The following ATM variants were observed in gnomAD, a reference collection of about 807,000 sequenced individuals.
ATM encodes the protein serine-protein kinase ATM.
In ATM, 308 loss-of-function variants were observed where a neutral mutation model predicts 387.0. The observed-to-expected ratio is 0.80, with a 90% CI of 0.73 to 0.87. The LOEUF is 0.87. ATM is among the 40% of genes least tolerant of loss of function. ATM has a pLI of 0.00. For synonymous variants in ATM, 1,156 were observed against 1,187.3 expected, an observed-to-expected ratio of 0.97 and a Z score of 0.54; for missense variants, 3,312 against 3,560.9, an observed-to-expected ratio of 0.93 and a Z score of 1.78.
At chr11:108,330,087 A>T in intron 49 of ATM, 127 bp from the exon 50 acceptor site, 1 of 930,974 alleles carries the variant, frequency 1.1e-6, no homozygotes, top group Non-Finnish European at 1.7e-6. Flanking sequence ...TATAATCCTT[A>T]GAAGTTTGCT....
Position 108,332,035 on chromosome 11 carries a change from G to A in ATM, c.7786G>A (p.Glu2596Lys), listed in dbSNP as rs1555124747. 1 of 1,613,596 alleles carries A rather than the reference G, an allele frequency of 6.2e-7. No individual in the cohort carries two copies. Among genetic ancestry groups the A allele is most frequent in the Non-Finnish European group, 8.5e-7 (1 of 1,179,706 alleles). The change falls in exon 52 of 63, where the codon GAG becomes AAG. Residue 2596 changes from glutamate to lysine, a missense_variant and splice_region_variant. Transcript: ENST00000675843. ...NVPKQSSQLD[E>K]DRTEAANRII... The stretch of plus-strand genomic sequence containing the variant: ...GCCTAAACAAAGCTCTCAGCTTGAT[G>A]AGGTATTTGGATTAAACATACGTAC...
intron 32 of ATM, 98 bp downstream of exon 32, chr11:108,295,157 T>C (rs905914112): frequency 6.8e-7 from 1 of 1,481,328 alleles, no homozygotes; most frequent in African/African-American, 1.4e-5. Flanking sequence ...CAGACTTAGT[T>C]CAGACTCTCA....
At chr11:108,305,364 C>T (rs1210815706) in intron 37 of ATM, among the ~76,000 whole-genome samples, 2 of 152,088 alleles carry the variant, frequency 1.3e-5, no homozygotes, top group African/African-American at 4.8e-5. Flanking sequence ...TGGATCACTT[C>T]AGGTCAGGAG....
chr11:108,260,030 C>CTTTT (rs754362678), intron 16 of ATM, among the ~76,000 whole-genome samples: 49 of 94,580 alleles, frequency 5.2e-4, no homozygotes, highest in African/African-American at 1.5e-3. Flanking sequence ...CTTATCTGCT[C>CTTTT]TTTTTTTTTT....
chr11:108,249,109 T>G lies in ATM; in HGVS notation c.1235+7T>G. ...ATTTTGATCTTGTGCCTTGGTAAAG[T>G]GTTACCATTTTCTCATTCAGTGTCA... On this transcript the variant is annotated splice_region_variant and intron_variant, in intron 9 of 62. Transcript: ENST00000675843. The G allele has an allele frequency of 6.2e-7, 1 of 1,613,674 alleles. No homozygotes were observed. The highest frequency in any genetic ancestry group is 8.5e-7 in the Non-Finnish European group (1 of 1,179,788).
chr11:108,330,303 C>T lies in ATM; in HGVS notation c.7397C>T (p.Ala2466Val), dbSNP rs1324075885. The T allele has an allele frequency of 6.2e-7, 1 of 1,614,170 alleles. No homozygotes were observed. Among genetic ancestry groups the T allele is most frequent in the Non-Finnish European group, 8.5e-7 (1 of 1,180,008 alleles). ...KEDRKRFLCK[A>V]VENYINCLLS... The stretch of plus-strand genomic sequence containing the variant: ...GATCGTAAACGCTTCTTATGTAAAG[C>T]AGTTGAAAATTATATCAACTGCTTA... Residue 2466 changes from alanine to valine, a missense_variant, in exon 50 of 63, where the codon GCA (alanine) becomes GTA (valine). By Grantham distance (64) the Ala-to-Val change is moderately conservative (BLOSUM62 0). This residue lies in a region of ATM where 1,405 missense variants were observed against 1,604.4 expected (regional missense o/e 0.88). Coordinates refer to ENST00000675843, the MANE Select transcript of ATM (RefSeq NM_000051.4).
chr11:108,323,069 G>T (rs555112943), intron 45 of ATM, among the ~76,000 whole-genome samples: 5 of 152,210 alleles, frequency 3.3e-5, no homozygotes, highest in South Asian at 2.1e-4. Context: ...GAAGAAAGAG[G>T]ATATAAATGA....
chr11:108,298,632 G>A (rs1209120836), intron 33 of ATM, among the ~76,000 whole-genome samples: 1 of 152,202 alleles, frequency 6.6e-6, no homozygotes, highest in Non-Finnish European at 1.5e-5. Context: ...GATCAGGAAT[G>A]AGACAAGGCT....
chr11:108,240,755 TGG>T (rs759022368), intron 5 of ATM, among the ~76,000 whole-genome samples: 9 of 152,148 alleles, frequency 5.9e-5, no homozygotes, highest in Non-Finnish European at 1.3e-4. Flanking sequence ...TGTAAATGTG[TGG>T]TAATGTAAAG....
intron 36 of ATM, among the ~76,000 whole-genome samples, chr11:108,303,362 T>C (rs1463994056): frequency 3.9e-5 from 6 of 152,184 alleles, no homozygotes; most frequent in Admixed American, 2.0e-4. Flanking sequence ...TTCCCTGATA[T>C]GCTTTCTTGA....
intron 45 of ATM, among the ~76,000 whole-genome samples, 181 bp downstream of exon 45, chr11:108,321,601 G>A (rs1156914237): frequency 6.6e-6 from 1 of 152,104 alleles, no homozygotes; most frequent in Admixed American, 6.6e-5. Flanking sequence ...TGGCCAACAT[G>A]GTGAAACCCT....
At chr11:108,324,526 C>CA (rs1399558798) in intron 45 of ATM, among the ~76,000 whole-genome samples, 1 of 152,024 alleles carries the variant, frequency 6.6e-6, no homozygotes. Flanking sequence ...TAAAGGAGTT[C>CA]CGCAAAAAGT....
In ATM at chr11:108,334,709, G is replaced by C. The variant is rs4988134; in HGVS notation, c.8011-260G>C. On this transcript the variant is annotated intron_variant, in intron 54 of 62. Transcript: ENST00000675843. ...TATAACCCAGAAAACTCCTTCTACT[G>C]TTTTCCAAAATTTACTTTATGTTTT... 0.011 allele frequency among the ~76,000 whole-genome samples: 1,684 copies of C among 152,134 alleles called. 36 individuals are homozygous for C. The highest frequency in any genetic ancestry group is 0.038 in the African/African-American group (1,584 of 41,498).
At chr11:108,281,995 T>G (rs2082258982) in intron 24 of ATM, among the ~76,000 whole-genome samples, 1 of 152,176 alleles carries the variant, frequency 6.6e-6, no homozygotes, top group Admixed American at 6.5e-5. Context: ...AGACAGGGTC[T>G]CACTCTGTCA....
chr11:108,364,128 C>G (rs760943355), intron 61 of ATM, among the ~76,000 whole-genome samples: 4 of 152,174 alleles, frequency 2.6e-5, no homozygotes, highest in Non-Finnish European at 5.9e-5. Flanking sequence ...TTCTGCTAAT[C>G]TAGTACGTGT....
chr11:108,284,552 C>A (rs541218835), intron 26 of ATM, 79 bp downstream of exon 26: 2 of 1,546,720 alleles, frequency 1.3e-6, no homozygotes, highest in Non-Finnish European at 1.8e-6. Context: ...GCTATTTATT[C>A]GATTTATTCG....
chr11:108,252,725 A>C lies in ATM; in HGVS notation c.1803-92A>C, dbSNP rs180990365. The C allele has an allele frequency of 2.0e-4, 179 of 901,124 alleles. 1 individual carries two copies. In the African/African-American group the frequency reaches 2.4e-3, roughly 12 times the overall value. 55.8% of individuals were successfully genotyped at this position (901,124 alleles called of 1,614,324 possible). A position where few individuals can be genotyped will look rare whatever the true frequency, so the allele number is the denominator to read the frequency against. ...ATCTAGGATCCAAATTTTAGAAGTC[A>C]AGATTTATAGCTAAACATGGATGTT... On this transcript the variant is annotated intron_variant, in intron 11 of 62. Transcript: ENST00000675843.
At chr11:108,234,665 T>G (rs904136393) in intron 4 of ATM, among the ~76,000 whole-genome samples, 2 of 151,906 alleles carry the variant, frequency 1.3e-5, no homozygotes, top group Admixed American at 1.3e-4. Flanking sequence ...TGTGAGAGAT[T>G]CTGTCTCTAT....
intron 55 of ATM, 150 bp downstream of exon 55, chr11:108,335,259 T>C (rs1424103089): frequency 1.3e-6 from 2 of 1,531,334 alleles, no homozygotes; most frequent in East Asian, 2.5e-5. Flanking sequence ...CATTATTTTC[T>C]AGAACCAGGC....
Sources: allele counts gnomAD v4.1 joint callset (sites outside exome capture counted in the v4.1 genomes callset), GRCh38; gene constraint gnomAD v4.1.1; regional missense constraint gnomAD v4.1.1; transcripts MANE v1.5; gene names NCBI Gene and HGNC (gene_info 2026-07-23, HGNC 2026-07-21).